FSTL4: variants seen among roughly 807,000 people sequenced by gnomAD.
FSTL4 encodes follistatin like 4.
Under a neutral mutation model 78.2 loss-of-function variants are expected in FSTL4, and 28 were observed. The observed-to-expected ratio is 0.36, with a 90% confidence interval of 0.27 to 0.49. The LOEUF (loss-of-function observed/expected upper bound fraction) is 0.49. Among genes scored for constraint, FSTL4 ranks in the 20% least tolerant of loss-of-function variants. The pLI is 0.98. For synonymous variants in FSTL4, 422 were observed against 440.5 expected (o/e 0.96, Z 0.53); for missense variants, 922 against 1,084.9 (o/e 0.85, Z 2.11).
At chr5:133,702,045 C>T in the FSTL4 span, among the ~76,000 whole-genome samples, 10 of 152,208 alleles carry the variant, frequency 6.6e-5, no homozygotes, top group African/African-American at 2.4e-4. Context: ...CCACCCCAGA[C>T]TTCTCTCCAG....
chr5:133,293,423 T>C (rs1246105909), intron 6 of FSTL4, among the ~76,000 whole-genome samples: 1 of 152,236 alleles, frequency 6.6e-6, no homozygotes, highest in African/African-American at 2.4e-5. Flanking sequence ...CCTGGCTTCC[T>C]TGACATGCCC....
At chr5:133,418,832 A>G (rs1360027295) in intron 3 of FSTL4, among the ~76,000 whole-genome samples, 1 of 152,240 alleles carries the variant, frequency 6.6e-6, no homozygotes, top group Non-Finnish European at 1.5e-5. Flanking sequence ...CCATGAAACC[A>G]TATCACAACC....
intron 7 of FSTL4, among the ~76,000 whole-genome samples, chr5:133,238,777 C>T (rs541900559): frequency 5.3e-5 from 8 of 152,352 alleles, no homozygotes; most frequent in Non-Finnish European, 8.8e-5. Context: ...ACTGAGGTTA[C>T]GGCGACATTC....
At chr5:133,779,750 T>C in the FSTL4 span, among the ~76,000 whole-genome samples, 2 of 152,154 alleles carry the variant, frequency 1.3e-5, no homozygotes, top group Non-Finnish European at 2.9e-5. Flanking sequence ...CAGCCTCGGC[T>C]CTATCCCACC....
intron 7 of FSTL4, among the ~76,000 whole-genome samples, chr5:133,246,256 C>T (rs1232212587): frequency 6.6e-6 from 1 of 152,192 alleles, no homozygotes; most frequent in African/African-American, 2.4e-5. Context: ...GGCTGAGGGA[C>T]TCTGGGAGCC....
chr5:133,452,038 C>A (rs147893248), intron 3 of FSTL4, among the ~76,000 whole-genome samples: 40 of 152,330 alleles, frequency 2.6e-4, no homozygotes, highest in Admixed American at 1.8e-3. Flanking sequence ...GGAGCCCACA[C>A]CTGGCTGGGG....
At chr5:133,265,100 C>T (rs1332871938) in intron 6 of FSTL4, among the ~76,000 whole-genome samples, 1 of 152,150 alleles carries the variant, frequency 6.6e-6, no homozygotes, top group Non-Finnish European at 1.5e-5. Flanking sequence ...GTGGCCTCTT[C>T]CCTGGGAATG....
intron 4 of FSTL4, among the ~76,000 whole-genome samples, chr5:133,335,321 C>T (rs1215091367): frequency 4.6e-5 from 7 of 152,178 alleles, no homozygotes; most frequent in Admixed American, 4.6e-4. Flanking sequence ...GCCCTGCTCT[C>T]CCCTCCTAGG....
intron 15 of FSTL4, among the ~76,000 whole-genome samples, chr5:133,200,418 C>A (rs1750281783): frequency 6.6e-6 from 1 of 152,358 alleles, no homozygotes; most frequent in African/African-American, 2.4e-5. Flanking sequence ...TTGAGGACAG[C>A]TTTTCCCTCC....
At chr5:133,460,928 G>A (rs930297884) in intron 3 of FSTL4, among the ~76,000 whole-genome samples, 2 of 152,166 alleles carry the variant, frequency 1.3e-5, no homozygotes, top group African/African-American at 4.8e-5. Flanking sequence ...TTCCCTTTCA[G>A]TGCTACAATT....
chr5:133,402,349 T>G (rs1404009904), intron 3 of FSTL4, among the ~76,000 whole-genome samples: 2 of 151,912 alleles, frequency 1.3e-5, no homozygotes, highest in African/African-American at 4.8e-5. Context: ...ATTCTGGGAG[T>G]CTGGAAATGA....
chr5:133,432,179 CAG>C (rs1316675540), intron 3 of FSTL4, among the ~76,000 whole-genome samples: 1 of 152,114 alleles, frequency 6.6e-6, no homozygotes, highest in Non-Finnish European at 1.5e-5. Context: ...GATTAGAAAA[CAG>C]AGGCTCAGAG....
At chr5:133,231,304 C>A (rs1171044179) in intron 8 of FSTL4, among the ~76,000 whole-genome samples, 2 of 152,038 alleles carry the variant, frequency 1.3e-5, no homozygotes, top group Non-Finnish European at 2.9e-5. Flanking sequence ...GCAGCTCCTA[C>A]CCGTGCCAGA....
the FSTL4 span, among the ~76,000 whole-genome samples, chr5:133,835,004 C>T: frequency 1.3e-5 from 2 of 152,022 alleles, no homozygotes; most frequent in African/African-American, 2.4e-5. Flanking sequence ...AAAAAGGAAG[C>T]AAAACTCTTT....
chr5:133,258,658 A>G (rs190258805), intron 6 of FSTL4, among the ~76,000 whole-genome samples: 35 of 152,312 alleles, frequency 2.3e-4, no homozygotes, highest in Non-Finnish European at 2.9e-5. Flanking sequence ...GAGAGTGAAG[A>G]ACATGGTCTA....
chr5:133,596,143 GC>G (rs1311655774), intron 2 of FSTL4, among the ~76,000 whole-genome samples: 1 of 152,242 alleles, frequency 6.6e-6, no homozygotes, highest in African/African-American at 2.4e-5. Flanking sequence ...ACATCAGCCT[GC>G]CTATACCAGC....
chr5:133,551,880 A>T (rs1759697689), intron 3 of FSTL4, among the ~76,000 whole-genome samples: 1 of 152,230 alleles, frequency 6.6e-6, no homozygotes, highest in Non-Finnish European at 1.5e-5. Context: ...CAATTGCCTC[A>T]TTTTAAAGAC....
intron 4 of FSTL4, among the ~76,000 whole-genome samples, chr5:133,364,010 G>C (rs1755125500): frequency 6.6e-6 from 1 of 152,200 alleles, no homozygotes; most frequent in Non-Finnish European, 1.5e-5. Flanking sequence ...AGATGCTTTA[G>C]CCCACCTCTG....
chr5:133,554,065 T>C (rs1289468113), intron 3 of FSTL4, among the ~76,000 whole-genome samples: 3 of 152,212 alleles, frequency 2.0e-5, no homozygotes, highest in Non-Finnish European at 1.5e-5. Flanking sequence ...GGGGTGACCC[T>C]GTGGGGCCTT....
Sources: gnomAD v4.1 joint callset for allele counts (sites outside exome capture counted in the v4.1 genomes callset) on GRCh38, gnomAD v4.1.1 for gene constraint, MANE v1.5 for transcripts, NCBI Gene and HGNC (gene_info 2026-07-23, HGNC 2026-07-21) for gene names.